Variants in EIF4E2 observed in about 807,000 individuals in gnomAD.
The protein encoded by EIF4E2 is eukaryotic translation initiation factor 4E family member 2.
EIF4E2 carries 13 observed loss-of-function variants against 34.2 expected under a neutral mutation model. The ratio of observed to expected loss-of-function variants is 0.38; its 90% CI spans 0.25 to 0.60. The LOEUF is 0.60. Among genes scored for constraint, EIF4E2 ranks in the 20% least tolerant of loss-of-function variants. The pLI, the probability that EIF4E2 is intolerant of heterozygous loss-of-function variation, is 0.62. For missense variants in EIF4E2, 222 were observed against 315.1 expected (o/e 0.70, Z 2.24); for synonymous variants, 100 against 106.6 (o/e 0.94, Z 0.38).
intron 6 of EIF4E2, chr2:232,574,238 G>A (rs924460316): frequency 1.5e-5 from 24 of 1,549,320 alleles, no homozygotes; most frequent in Non-Finnish European, 2.0e-5. Context: ...ATGTGCTATT[G>A]TGTTTTTTGT....
intron 2 of EIF4E2, 97 bp from the exon 3 acceptor site, chr2:232,557,785 TAA>T: frequency 7.3e-7 from 1 of 1,368,376 alleles, no homozygotes; most frequent in Admixed American, 2.0e-5. Context: ...TATCCTTTTT[TAA>T]TTGTGGAGGT....
chr2:232,567,246 C>T, intron 6 of EIF4E2, 32 bp downstream of exon 6: 1 of 1,613,042 alleles, frequency 6.2e-7, no homozygotes, highest in Non-Finnish European at 8.5e-7. Flanking sequence ...GAGGACGTGT[C>T]CCTAAGCTTA....
intron 6 of EIF4E2, chr2:232,580,784 C>T: frequency 1.1e-6 from 1 of 873,548 alleles, no homozygotes; most frequent in Non-Finnish European, 1.7e-6. Flanking sequence ...TGAAGAAGGC[C>T]CCGGGATATG....
intron 6 of EIF4E2, 128 bp downstream of exon 6, chr2:232,567,342 T>C: frequency 6.7e-7 from 1 of 1,484,292 alleles, no homozygotes; most frequent in Non-Finnish European, 8.9e-7. Flanking sequence ...AGGCCTTCCC[T>C]CTAGGGCTTC....
chr2:232,551,273 C>T, intron 1 of EIF4E2: 1 of 472,088 alleles, frequency 2.1e-6, no homozygotes, highest in Middle Eastern at 3.2e-4. Context: ...AATTATCTTC[C>T]TGAGACTCTT....
At chr2:232,580,836 A>G (rs904437236) in intron 6 of EIF4E2, 74 of 1,379,042 alleles carry the variant, frequency 5.4e-5, no homozygotes, top group Middle Eastern at 2.5e-4. Context: ...ATCCCCCTGT[A>G]TATGTGTGCT....
exon 7 of EIF4E2, chr2:232,582,568 A>G (rs1693384713): frequency 6.6e-6 from 1 of 152,230 alleles, no homozygotes; most frequent in Non-Finnish European, 1.5e-5. Flanking sequence ...ATATAAGAGC[A>G]CCATTGGCTA....
downstream of EIF4E2, among the ~76,000 whole-genome samples, chr2:232,573,236 G>A (rs1390820218): frequency 6.6e-6 from 1 of 152,210 alleles, no homozygotes; most frequent in Non-Finnish European, 1.5e-5. Context: ...GCCATGAACT[G>A]CAGGTCTACC....
At chr2:232,567,405 C>T (rs1463671454) in intron 6 of EIF4E2, 191 bp downstream of exon 6, 1 of 1,404,302 alleles carries the variant, frequency 7.1e-7, no homozygotes, top group African/African-American at 1.5e-5. Flanking sequence ...CCTATACTAC[C>T]AGGTGCTTTG....
chr2:232,558,192 T>C lies in EIF4E2; in HGVS notation c.270+174T>C, dbSNP rs1233030910. 4 of 701,728 alleles carry C rather than the reference T, an allele frequency of 5.7e-6. No individual in the cohort carries two copies. The African/African-American group carries it at 7.3e-5, about 13-fold the overall frequency. 43.5% of individuals were successfully genotyped at this position (701,728 alleles called of 1,614,324 possible). A position where few individuals can be genotyped will look rare whatever the true frequency, so the allele number is the denominator to read the frequency against. The stretch of plus-strand genomic sequence containing the variant: ...TCTTAGGTTTCTCACTAGATATCCA[T>C]GGTTAGCATGTAGGTATCAACAAAT... On this transcript the variant is annotated intron_variant, in intron 3 of 6. Transcript: ENST00000258416.
intron 6 of EIF4E2, among the ~76,000 whole-genome samples, chr2:232,576,777 T>C (rs1693232488): frequency 6.6e-6 from 1 of 152,234 alleles, no homozygotes; most frequent in African/African-American, 2.4e-5. Context: ...ATCCCTGGCT[T>C]ACGTTTGTTG....
intron 6 of EIF4E2, 112 bp from the exon 7 acceptor site, chr2:232,568,833 C>CT: frequency 1.3e-6 from 2 of 1,530,828 alleles, no homozygotes; most frequent in Non-Finnish European, 1.8e-6. Flanking sequence ...GACTTCAGCC[C>CT]TGTAGCTGTA....
Position 232,581,249 on chromosome 2 carries a change from G to C in EIF4E2, c.*306G>C, listed in dbSNP as rs994561149. Reference sequence around the variant, plus strand: ...TGTCCAGATGCCTCTTGGGCGTCCTGTTGTTCTCTTCCCGTGTTGTACGAA... The same window carrying C: ...TGTCCAGATGCCTCTTGGGCGTCCTCTTGTTCTCTTCCCGTGTTGTACGAA... On this transcript the variant is annotated 3_prime_UTR_variant, in exon 7 of 7. Transcript: ENST00000409098. This position sits in a 1 kb window ranked among gnomAD's most constrained non-coding sequence, Gnocchi z 5.2. 3 of 482,276 alleles carry C rather than the reference G, an allele frequency of 6.2e-6. No individual in the cohort carries two copies. The highest frequency in any genetic ancestry group is 1.2e-5 in the Non-Finnish European group (3 of 257,254). The allele number at this position is 482,276 out of a possible 1,614,324, so 29.9% of individuals were successfully genotyped here. A position where few individuals can be genotyped will look rare whatever the true frequency, so the allele number is the denominator to read the frequency against.
chr2:232,562,242 G>A (rs1171321343), intron 3 of EIF4E2, among the ~76,000 whole-genome samples: 1 of 151,892 alleles, frequency 6.6e-6, no homozygotes, highest in Non-Finnish European at 1.5e-5. Flanking sequence ...ATGAATGATA[G>A]TCTCGAGCTG....
intron 4 of EIF4E2, 121 bp downstream of exon 4, chr2:232,564,472 G>C: frequency 1.8e-6 from 1 of 558,092 alleles, no homozygotes; most frequent in Non-Finnish European, 3.0e-6. Context: ...TTTTATTTGA[G>C]ACGGAGTGTC....
chr2:232,551,400 T>G (rs1267907521), intron 1 of EIF4E2, among the ~76,000 whole-genome samples: 1 of 152,190 alleles, frequency 6.6e-6, no homozygotes, highest in African/African-American at 2.4e-5. Context: ...ATCAAACAGT[T>G]TGGAGGTACA....
In EIF4E2 at chr2:232,566,112, C is replaced by A. The variant is rs79501961; in HGVS notation, c.376-717C>A. ...ATCGCAAAAAAGAAAAAAAAAAAAA[C>A]TAGATTGGGGCTTCATGTCTGTGTA... On this transcript the variant is annotated intron_variant, in intron 4 of 6. Coordinates refer to ENST00000258416, the MANE Select transcript of EIF4E2 (RefSeq NM_004846.4). This position sits in a 1 kb window ranked among gnomAD's most constrained non-coding sequence, Gnocchi z 4.9. 2.7e-5 allele frequency among the ~76,000 whole-genome samples: 4 copies of A among 150,710 alleles called. No individual in the cohort carries two copies. The highest frequency in any genetic ancestry group is 9.8e-5 in the African/African-American group (4 of 40,954).
intron 6 of EIF4E2, among the ~76,000 whole-genome samples, chr2:232,577,040 A>G (rs1159375493): frequency 6.6e-6 from 1 of 152,082 alleles, no homozygotes; most frequent in Non-Finnish European, 1.5e-5. Context: ...CTTCAGTAAA[A>G]CTCTCAGTGA....
At chr2:232,555,004 C>T (rs962345404) in intron 1 of EIF4E2, among the ~76,000 whole-genome samples, 3 of 152,164 alleles carry the variant, frequency 2.0e-5, no homozygotes, top group Non-Finnish European at 4.4e-5. Flanking sequence ...AGGTTCATGG[C>T]ACAGGGCATA....
Sources: allele counts gnomAD v4.1 joint callset (sites outside exome capture counted in the v4.1 genomes callset), GRCh38; gene constraint gnomAD v4.1.1; non-coding constraint Gnocchi (gnomAD v3.1); transcripts MANE v1.5; gene names NCBI Gene and HGNC (gene_info 2026-07-23, HGNC 2026-07-21).